CDK14: variants seen among roughly 807,000 people sequenced by gnomAD.
The protein encoded by CDK14 is cyclin-dependent kinase 14.
CDK14 carries 34 observed loss-of-function variants against 60.7 expected under a neutral mutation model. The ratio of observed to expected loss-of-function variants is 0.56; its 90% CI spans 0.43 to 0.75. The LOEUF is 0.75. Among genes scored for constraint, CDK14 ranks in the 30% least tolerant of loss-of-function variants. The probability of loss-of-function intolerance (pLI) is 0.00; values close to 1 mark genes in which losing one functional copy is unlikely to be tolerated. For missense variants in CDK14, 482 were observed against 564.1 expected (o/e 0.85, Z 1.47); for synonymous variants, 197 against 203.7 (o/e 0.97, Z 0.28).
chr7:91,078,017 G>A (rs1318698007), intron 11 of CDK14, among the ~76,000 whole-genome samples: 3 of 152,200 alleles, frequency 2.0e-5, no homozygotes, highest in African/African-American at 7.2e-5. Context: ...ACCAATGCTA[G>A]AAGACGTATG....
chr7:90,620,310 A>G (rs2116368270), intron 2 of CDK14, among the ~76,000 whole-genome samples: 1 of 152,192 alleles, frequency 6.6e-6, no homozygotes, highest in South Asian at 2.1e-4. Context: ...TTTTTCTTTG[A>G]GATTTCTTTT....
At chr7:91,097,714 C>G (rs372631804) in intron 12 of CDK14, among the ~76,000 whole-genome samples, 1 of 152,098 alleles carries the variant, frequency 6.6e-6, no homozygotes, top group South Asian at 2.1e-4. Context: ...CTACGTTGCT[C>G]CTCCTGTCTG....
intron 14 of CDK14, among the ~76,000 whole-genome samples, chr7:91,144,274 T>A (rs955685863): frequency 2.0e-5 from 3 of 152,214 alleles, no homozygotes; most frequent in African/African-American, 7.2e-5. Context: ...GTCTTTAGAA[T>A]CATGTTGGTT....
chr7:90,948,577 A>C (rs1176315853), intron 8 of CDK14, among the ~76,000 whole-genome samples: 3 of 152,254 alleles, frequency 2.0e-5, no homozygotes, highest in African/African-American at 7.2e-5. Flanking sequence ...GCCAGGTACT[A>C]AATATCATAG....
At chr7:91,044,076 A>G (rs7792208) in intron 10 of CDK14, among the ~76,000 whole-genome samples, 4,297 of 152,300 alleles carry the variant, frequency 0.028, 195 homozygotes, top group African/African-American at 0.097. Context: ...TGAGCCAAAT[A>G]TAAGTGACCA....
intron 2 of CDK14, among the ~76,000 whole-genome samples, chr7:90,633,925 A>G (rs1800067244): frequency 6.6e-6 from 1 of 152,190 alleles, no homozygotes; most frequent in African/African-American, 2.4e-5. Flanking sequence ...TTATGTTGTG[A>G]ATATATTTGT....
chr7:90,698,067 C>CAAA lies in CDK14; in HGVS notation c.124-28480_124-28478dup, dbSNP rs71104484. 3.1e-3 allele frequency among the ~76,000 whole-genome samples: 234 copies of CAAA among 75,546 alleles called. 14 individuals carry two copies. The highest frequency in any genetic ancestry group is 4.3e-3 in the East Asian group (9 of 2,084). The allele number at this position is 75,546 out of a possible 152,430, so 49.6% of individuals were successfully genotyped here. On this transcript the variant is annotated intron_variant, in intron 2 of 14. Coordinates refer to ENST00000380050, the MANE Select transcript of CDK14 (RefSeq NM_001287135.2). ...TGGGTGACAGAGCAAGACTCTGTCT[C>CAAA]AAAAAAAAAAAAAAAAAAAAAAGAA...
chr7:91,078,539 G>A (rs1486424327), intron 11 of CDK14, among the ~76,000 whole-genome samples: 4 of 152,126 alleles, frequency 2.6e-5, no homozygotes, highest in African/African-American at 4.8e-5. Flanking sequence ...TCCGGGAGGC[G>A]GAGGTTGCAG....
intron 2 of CDK14, among the ~76,000 whole-genome samples, chr7:90,654,919 C>T (rs1382621817): frequency 6.6e-6 from 1 of 152,082 alleles, no homozygotes; most frequent in Non-Finnish European, 1.5e-5. Flanking sequence ...ATGTATTTAC[C>T]ATTACTGTAT....
intron 5 of CDK14, among the ~76,000 whole-genome samples, chr7:90,808,012 G>T (rs2117028895): frequency 6.6e-6 from 1 of 152,298 alleles, no homozygotes; most frequent in Non-Finnish European, 1.5e-5. Context: ...AAGTGACGAG[G>T]AGAATGGAAC....
intron 11 of CDK14, among the ~76,000 whole-genome samples, chr7:91,064,249 CTACT>C (rs1797902051): frequency 1.3e-5 from 2 of 152,078 alleles, no homozygotes; most frequent in Non-Finnish European, 2.9e-5. Flanking sequence ...GTTTGTTCTG[CTACT>C]AGCTTTGTGC....
chr7:90,861,857 G>A (rs1791020453), intron 5 of CDK14, among the ~76,000 whole-genome samples: 1 of 152,124 alleles, frequency 6.6e-6, no homozygotes, highest in African/African-American at 2.4e-5. Flanking sequence ...TACCCAAAAC[G>A]ACTCTCAAAC....
At chr7:90,653,226 C>T (rs894772540) in intron 2 of CDK14, among the ~76,000 whole-genome samples, 1 of 152,080 alleles carries the variant, frequency 6.6e-6, no homozygotes, top group Non-Finnish European at 1.5e-5. Context: ...AGAGCCAATC[C>T]CTCCTTTGAG....
At chr7:91,018,405 G>A (rs2115858734) in intron 10 of CDK14, among the ~76,000 whole-genome samples, 1 of 152,294 alleles carries the variant, frequency 6.6e-6, no homozygotes, top group East Asian at 1.9e-4. Context: ...AGGCTGGGAA[G>A]GCCCTGGCAT....
At chr7:91,105,471 T>G (rs886881029) in intron 12 of CDK14, among the ~76,000 whole-genome samples, 1 of 152,220 alleles carries the variant, frequency 6.6e-6, no homozygotes. Flanking sequence ...TTTCTACGTA[T>G]TCAGGCTTAA....
At chr7:91,004,977 C>T (rs1795940377) in intron 10 of CDK14, among the ~76,000 whole-genome samples, 1 of 152,178 alleles carries the variant, frequency 6.6e-6, no homozygotes. Flanking sequence ...AAGGCTCTCC[C>T]TCGCCAAGTT....
intron 8 of CDK14, among the ~76,000 whole-genome samples, chr7:90,955,232 A>G (rs945420218): frequency 5.9e-5 from 9 of 152,180 alleles, no homozygotes; most frequent in Non-Finnish European, 1.2e-4. Flanking sequence ...CTTTGGGGAA[A>G]GTATTATACT....
At chr7:91,202,759 T>C (rs1044859270) in intron 14 of CDK14, among the ~76,000 whole-genome samples, 4 of 152,232 alleles carry the variant, frequency 2.6e-5, no homozygotes, top group African/African-American at 4.8e-5. Context: ...CTCACAGAGA[T>C]GGGAAAGAGT....
intron 14 of CDK14, among the ~76,000 whole-genome samples, chr7:91,193,475 G>A (rs1802438887): frequency 6.6e-6 from 1 of 152,092 alleles, no homozygotes; most frequent in Admixed American, 6.6e-5. Context: ...TGAGGGTTTG[G>A]TGAGAGTAGG....
Sources: allele counts gnomAD v4.1 joint callset (sites outside exome capture counted in the v4.1 genomes callset), GRCh38; gene constraint gnomAD v4.1.1; transcripts MANE v1.5; gene names NCBI Gene and HGNC (gene_info 2026-07-23, HGNC 2026-07-21).